The following GNAO1 variants were observed in gnomAD, a reference collection of about 807,000 sequenced individuals.
The protein encoded by GNAO1 is guanine nucleotide-binding protein G(o) subunit alpha.
For synonymous variants in GNAO1, 164 were observed against 180.7 expected, an observed-to-expected ratio of 0.91 and a Z score of 0.74; for missense variants, 166 against 478.7, an observed-to-expected ratio of 0.35 and a Z score of 6.10.
rs369669422 is a variant in GNAO1 at position 56,343,731 on chromosome 16, G to A, written c.723+6871G>A. 62 of 1,582,244 alleles carry A rather than the reference G, an allele frequency of 3.9e-5. No homozygotes were observed. In the African/African-American group the frequency reaches 5.5e-4, roughly 14 times the overall value. On this transcript the variant is annotated intron_variant, in intron 6 of 8. Coordinates refer to ENST00000262493, the MANE Select transcript of GNAO1 (RefSeq NM_020988.3). ...TGCCAAGCAGTCCCATGGGCCTCTC[G>A]CCTCACCACACCTTGCCTGTTTGCT...
intron 4 of GNAO1, 49 bp from the exon 5 acceptor site, chr16:56,334,678 AAC>A (rs767138804): frequency 1.9e-5 from 31 of 1,604,256 alleles, no homozygotes; most frequent in Middle Eastern, 3.3e-4. Context: ...GCCAGTCCCG[AAC>A]AGTGTCCAGG....
At position 56,351,677 on chromosome 16, in the gene GNAO1, G is replaced by C; in HGVS notation, c.877+140G>C. 1.5e-6 allele frequency: 1 copy of C among 656,794 alleles called. No individual in the cohort carries two copies. The highest frequency in any genetic ancestry group is 2.6e-6 in the Non-Finnish European group (1 of 381,774). 40.7% of individuals were successfully genotyped at this position (656,794 alleles called of 1,614,324 possible). ...TGCAGGAGACTGGTGGGGCGCAAAA[G>C]AAAAACAGTGCTGTGCCACCAGGTT... On this transcript the variant is annotated intron_variant, in intron 7 of 8. Transcript: ENST00000262493. The surrounding 1 kb of genome is among the most constrained non-coding windows in gnomAD (Gnocchi z 6.1).
chr16:56,303,097 T>G (rs1292934643), intron 3 of GNAO1, among the ~76,000 whole-genome samples: 1 of 152,020 alleles, frequency 6.6e-6, no homozygotes, highest in Non-Finnish European at 1.5e-5. Flanking sequence ...CGAAGTGGGG[T>G]CGGTGGAGAA....
chr16:56,282,954 G>T (rs113179621), intron 3 of GNAO1, among the ~76,000 whole-genome samples: 2 of 151,920 alleles, frequency 1.3e-5, no homozygotes, highest in African/African-American at 4.8e-5. Context: ...AAGAAAGACC[G>T]GCGATCAGTG....
chr16:56,247,494 T>TG, intron 2 of GNAO1, among the ~76,000 whole-genome samples: 1 of 151,278 alleles, frequency 6.6e-6, no homozygotes, highest in Non-Finnish European at 1.5e-5. Context: ...TTTTTTTTTT[T>TG]TTTTTTTTTC....
chr16:56,220,778 C>T (rs1754069410), intron 2 of GNAO1, among the ~76,000 whole-genome samples: 1 of 152,044 alleles, frequency 6.6e-6, no homozygotes, highest in African/African-American at 2.4e-5. Flanking sequence ...GACAGAGTCT[C>T]ACCCTGTCAC....
chr16:56,195,685 C>A (rs190618827), intron 2 of GNAO1, among the ~76,000 whole-genome samples: 1 of 152,220 alleles, frequency 6.6e-6, no homozygotes, highest in Admixed American at 6.5e-5. Context: ...TTAGGTTACA[C>A]CCTGTGATAA....
At chr16:56,274,652 G>T (rs1157305802) in intron 2 of GNAO1, among the ~76,000 whole-genome samples, 1 of 152,204 alleles carries the variant, frequency 6.6e-6, no homozygotes, top group Non-Finnish European at 1.5e-5. Flanking sequence ...CTAAGTGAAA[G>T]AAACCAGTCA....
intron 2 of GNAO1, among the ~76,000 whole-genome samples, chr16:56,226,724 T>C (rs1292629415): frequency 1.3e-5 from 2 of 152,248 alleles, no homozygotes; most frequent in Admixed American, 6.5e-5. Context: ...GTGTCAGTCC[T>C]TTCAATAACT....
intron 3 of GNAO1, among the ~76,000 whole-genome samples, chr16:56,303,320 G>A (rs112672412): frequency 3.3e-5 from 5 of 152,356 alleles, no homozygotes; most frequent in African/African-American, 9.6e-5. Context: ...ACCAAGTGGT[G>A]TGATGCTGAG....
chr16:56,318,561 C>G (rs2037537952), intron 3 of GNAO1, among the ~76,000 whole-genome samples: 1 of 152,156 alleles, frequency 6.6e-6, no homozygotes, highest in South Asian at 2.1e-4. Flanking sequence ...TTTTTCCCTG[C>G]AACTGGAGGA....
chr16:56,337,525 C>A (rs181374589), intron 6 of GNAO1, among the ~76,000 whole-genome samples: 2 of 152,230 alleles, frequency 1.3e-5, no homozygotes, highest in African/African-American at 4.8e-5. Context: ...AGGGGACATT[C>A]CCCTGGGAGA....
At chr16:56,245,081 T>C (rs748129914) in intron 2 of GNAO1, among the ~76,000 whole-genome samples, 1 of 151,884 alleles carries the variant, frequency 6.6e-6, no homozygotes, top group Non-Finnish European at 1.5e-5. Flanking sequence ...TACACTAGAG[T>C]CTTAGGATAG....
intron 3 of GNAO1, among the ~76,000 whole-genome samples, chr16:56,281,014 T>G (rs1277162030): frequency 6.6e-6 from 1 of 152,198 alleles, no homozygotes; most frequent in Non-Finnish European, 1.5e-5. Context: ...TCCTTAATGC[T>G]TAAATTATTT....
chr16:56,294,796 T>G (rs1237238978), intron 3 of GNAO1, among the ~76,000 whole-genome samples: 1 of 152,168 alleles, frequency 6.6e-6, no homozygotes, highest in African/African-American at 2.4e-5. Flanking sequence ...CCCTTTTCAT[T>G]AGCTGCTCAA....
chr16:56,268,745 C>T (rs2036983467), intron 2 of GNAO1, among the ~76,000 whole-genome samples: 2 of 152,200 alleles, frequency 1.3e-5, no homozygotes, highest in African/African-American at 4.8e-5. Context: ...CACCCTACCT[C>T]CTGCCCCCAC....
chr16:56,216,175 G>C (rs1395881309), intron 2 of GNAO1, among the ~76,000 whole-genome samples: 1 of 152,220 alleles, frequency 6.6e-6, no homozygotes, highest in African/African-American at 2.4e-5. Context: ...GGTTACACAG[G>C]TGACACAGCT....
At chr16:56,257,903 G>A (rs1479896955) in intron 2 of GNAO1, among the ~76,000 whole-genome samples, 2 of 152,094 alleles carry the variant, frequency 1.3e-5, no homozygotes, top group Non-Finnish European at 2.9e-5. Context: ...CTAGCCCACG[G>A]CAGGCAGCCA....
rs985587772 is a variant in GNAO1, at chr16:56,326,601, C to T, written c.304-2030C>T. 6.6e-6 allele frequency among the ~76,000 whole-genome samples: 1 copy of T among 152,212 alleles called. No individual in the cohort carries two copies. The highest frequency in any genetic ancestry group is 1.5e-5 in the Non-Finnish European group (1 of 68,032). ...GCCTGCCACGTTGGCTGCTGGGGCT[C>T]CATCCCATGGGGATCCTGTCTGAAT... On this transcript the variant is annotated intron_variant, in intron 3 of 8. Coordinates refer to ENST00000262493, the MANE Select transcript of GNAO1 (RefSeq NM_020988.3). The surrounding 1 kb of genome is among the most constrained non-coding windows in gnomAD (Gnocchi z 4.8).
Sources: gnomAD v4.1 joint callset for allele counts (sites outside exome capture counted in the v4.1 genomes callset) on GRCh38, gnomAD v4.1.1 for gene constraint, Gnocchi (gnomAD v3.1) non-coding constraint, MANE v1.5 for transcripts, NCBI Gene and HGNC (gene_info 2026-07-23, HGNC 2026-07-21) for gene names.